KLHL24: variants seen among roughly 807,000 people sequenced by gnomAD.
KLHL24 encodes kelch like family member 24.
A neutral mutation model predicts 53.4 loss-of-function variants in KLHL24; 29 were observed. That is an observed-to-expected ratio of 0.54 (90% CI 0.40 to 0.74). The LOEUF (loss-of-function observed/expected upper bound fraction) is 0.74. KLHL24 is among the 30% of genes least tolerant of loss of function. The pLI is 0.00. For missense variants in KLHL24, 504 were observed against 744.0 expected, an observed-to-expected ratio of 0.68 and a Z score of 3.75; for synonymous variants, 222 against 253.7, an observed-to-expected ratio of 0.88 and a Z score of 1.19.
chr3:183,661,806 T>C (rs1719842416), intron 3 of KLHL24, among the ~76,000 whole-genome samples: 2 of 152,220 alleles, frequency 1.3e-5, no homozygotes, highest in South Asian at 4.1e-4. Context: ...TCCTATGATA[T>C]ATAATCATTA....
intron 5 of KLHL24, among the ~76,000 whole-genome samples, chr3:183,665,885 C>CTTTTTTTT (rs10692613): frequency 7.0e-6 from 1 of 142,920 alleles, no homozygotes; most frequent in African/African-American, 2.6e-5. Context: ...GAGAATCAAA[C>CTTTTTTTT]TTTTTTTTTT....
intron 2 of KLHL24, among the ~76,000 whole-genome samples, chr3:183,645,139 G>A (rs138768637): frequency 7.8e-4 from 119 of 152,302 alleles, no homozygotes; most frequent in African/African-American, 2.7e-3. Flanking sequence ...AGATTAATAA[G>A]GCATTAAGAT....
At chr3:183,665,715 A>G (rs934935669) in intron 5 of KLHL24, among the ~76,000 whole-genome samples, 18 of 152,240 alleles carry the variant, frequency 1.2e-4, no homozygotes, top group Non-Finnish European at 2.5e-4. Context: ...GCACCACTGC[A>G]CTCCAGCCTG....
At chr3:183,639,457 C>T (rs572387316) in intron 1 of KLHL24, among the ~76,000 whole-genome samples, 25 of 151,450 alleles carry the variant, frequency 1.7e-4, no homozygotes, top group Non-Finnish European at 2.6e-4. Context: ...GGAGAAACCC[C>T]GTCTCTACTA....
chr3:183,638,468 C>T (rs1223065736), intron 1 of KLHL24, among the ~76,000 whole-genome samples: 1 of 151,928 alleles, frequency 6.6e-6, no homozygotes, highest in Non-Finnish European at 1.5e-5. Flanking sequence ...AAATTTGGGA[C>T]ACTTTTTTCA....
chr3:183,678,986 T>C (rs1257331387), intron 7 of KLHL24, 100 bp from the exon 8 acceptor site: 4 of 854,032 alleles, frequency 4.7e-6, no homozygotes, highest in African/African-American at 3.4e-5. Context: ...CATGTCTCCC[T>C]TTTTTTTGAC....
At chr3:183,661,082 A>AAAAAAAAAAC (rs1719713373) in intron 3 of KLHL24, among the ~76,000 whole-genome samples, 1 of 119,154 alleles carries the variant, frequency 8.4e-6, no homozygotes, top group African/African-American at 3.9e-5. Context: ...AAAAAAAAAA[A>AAAAAAAAAAC]AAAAATTCAC....
Position 183,654,768 on chromosome 3 carries a change from T to G in KLHL24, c.920+3492T>G, listed in dbSNP as rs186525783. Reference sequence around the variant, plus strand: ...GATTCTGACTTGTCAATGGGGAAGTTGTCCAGAAAAATATTCTACCTTTTG... The same window carrying G: ...GATTCTGACTTGTCAATGGGGAAGTGGTCCAGAAAAATATTCTACCTTTTG... On this transcript the variant is annotated intron_variant, in intron 3 of 7. Transcript: ENST00000242810. Among the ~76,000 whole-genome samples the G allele has an allele frequency of 4.6e-4, 70 of 152,348 alleles. No individual in the cohort carries two copies. The Middle Eastern group carries it at 0.01, about 22-fold the overall frequency.
chr3:183,658,786 T>G (rs992729262), intron 3 of KLHL24, among the ~76,000 whole-genome samples: 11 of 151,582 alleles, frequency 7.3e-5, no homozygotes, highest in Non-Finnish European at 1.5e-4. Flanking sequence ...ATAATTTTCA[T>G]TTACATTTCC....
At chr3:183,657,950 C>T (rs887681449) in intron 3 of KLHL24, among the ~76,000 whole-genome samples, 5 of 152,080 alleles carry the variant, frequency 3.3e-5, no homozygotes, top group African/African-American at 9.7e-5. Flanking sequence ...TGGTGGCTCA[C>T]GCCTGTAATC....
intron 3 of KLHL24, among the ~76,000 whole-genome samples, chr3:183,652,159 T>C (rs961818854): frequency 7.9e-5 from 12 of 152,202 alleles, no homozygotes; most frequent in African/African-American, 2.9e-4. Context: ...ATGTGAAAAT[T>C]ACATCATCAT....
Position 183,680,081 on chromosome 3 carries a change from TCTTAA to T in KLHL24, c.*799_*803del, listed in dbSNP as rs1488856891. On this transcript the variant is annotated 3_prime_UTR_variant, in exon 8 of 8. Coordinates refer to ENST00000242810, the MANE Select transcript of KLHL24 (RefSeq NM_017644.3). Reference sequence around the variant, plus strand: ...TTCAATCCTCTAAGAAAGCCTCTTTTCTTAACTTGATAAAGCAGTGGAAACCCATT... The same window carrying T: ...TTCAATCCTCTAAGAAAGCCTCTTTTCTTGATAAAGCAGTGGAAACCCATT... The T allele has an allele frequency of 9.2e-5, 14 of 152,306 alleles. No individual in the cohort carries two copies. The highest frequency in any genetic ancestry group is 3.1e-4 in the African/African-American group (13 of 41,568). The allele number at this position is 152,306 out of a possible 1,614,324, so 9.4% of individuals were successfully genotyped here.
intron 2 of KLHL24, among the ~76,000 whole-genome samples, chr3:183,648,689 A>G (rs1195358365): frequency 6.6e-6 from 1 of 152,148 alleles, no homozygotes; most frequent in Non-Finnish European, 1.5e-5. Flanking sequence ...GAGTAGAAGA[A>G]TCGCCTTAAA....
At chr3:183,673,426 C>A (rs1005257108) in intron 7 of KLHL24, among the ~76,000 whole-genome samples, 2 of 151,534 alleles carry the variant, frequency 1.3e-5, no homozygotes, top group African/African-American at 4.9e-5. Context: ...CAATCCTACT[C>A]CAGTATTTAT....
intron 6 of KLHL24, 116 bp downstream of exon 6, chr3:183,671,338 T>C: frequency 4.0e-6 from 3 of 758,166 alleles, no homozygotes; most frequent in Non-Finnish European, 6.1e-6. Context: ...AAAAATTTTC[T>C]GGTACTATAT....
chr3:183,673,770 G>GT (rs1482811000), intron 7 of KLHL24, among the ~76,000 whole-genome samples: 2 of 152,052 alleles, frequency 1.3e-5, no homozygotes, highest in African/African-American at 4.8e-5. Flanking sequence ...ATACTCTCTT[G>GT]TTTTTCTACC....
chr3:183,655,499 T>C (rs1283084068), intron 3 of KLHL24, among the ~76,000 whole-genome samples: 2 of 152,128 alleles, frequency 1.3e-5, no homozygotes, highest in Non-Finnish European at 2.9e-5. Context: ...CATTGTAGCA[T>C]GTACCTGTAG....
At chr3:183,676,979 T>C (rs1028324665) in intron 7 of KLHL24, among the ~76,000 whole-genome samples, 1 of 151,776 alleles carries the variant, frequency 6.6e-6, no homozygotes, top group African/African-American at 2.4e-5. Flanking sequence ...ACATTAAAAC[T>C]TTATATATTG....
rs557630196 is a variant in KLHL24 at position 183,675,167 on chromosome 3, A to G, written c.1602+2683A>G. ...TAAATATATATATATTGAATAAGTA[A>G]ACAAATGAGGAAGTACCAGAGGGAC... On this transcript the variant is annotated intron_variant, in intron 7 of 7. Transcript: ENST00000242810. Among the ~76,000 whole-genome samples, 126 of 152,304 alleles carry G rather than the reference A, an allele frequency of 8.3e-4. No individual in the cohort carries two copies. The Middle Eastern group carries it at 0.02, about 25-fold the overall frequency.
Sources: allele counts gnomAD v4.1 joint callset (sites outside exome capture counted in the v4.1 genomes callset), GRCh38; gene constraint gnomAD v4.1.1; transcripts MANE v1.5; gene names NCBI Gene and HGNC (gene_info 2026-07-23, HGNC 2026-07-21).